USP26: variants seen among roughly 807,000 people sequenced by gnomAD.
The protein encoded by USP26 is ubiquitin specific peptidase 26, also known as ubiquitin carboxyl-terminal hydrolase 26.
For synonymous variants in USP26, 236 were observed against 240.6 expected (o/e 0.98, Z 0.18); for missense variants, 649 against 642.3 (o/e 1.01, Z -0.11).
Position 133,057,844 on chromosome X carries a change from T to TTATATATATATATATATATATATA in USP26, c.-77+25862_-77+25863insTATATATATATATATATATATATA. ...TTGGGGTCTGAGAATATACTTTACA[T>TTATATATATATATATATATATATA]TATATATATATATATATATATATTT... On this transcript the variant is annotated intron_variant, in intron 5 of 5. Transcript: ENST00000511190. 2.7e-3 allele frequency among the ~76,000 whole-genome samples: 83 copies of TTATATATATATATATATATATATA among 30,604 alleles called. 2 individuals carry two copies. The highest frequency in any genetic ancestry group is 3.6e-3 in the Non-Finnish European group (70 of 19,185). The allele number at this position is 30,604 out of a possible 115,157, so 26.6% of individuals were successfully genotyped here.
chrX:133,061,962 C>T (rs979255493), intron 5 of USP26, among the ~76,000 whole-genome samples: 9 of 111,206 alleles, frequency 8.1e-5, no homozygotes, highest in Admixed American at 2.9e-4. Context: ...AAGTTCCCTC[C>T]CCACTCAGCA....
chrX:133,094,316 A>G (rs1314414423), intron 1 of USP26, among the ~76,000 whole-genome samples: 2 of 111,107 alleles, frequency 1.8e-5, no homozygotes, highest in African/African-American at 6.5e-5. Flanking sequence ...GGAAGCGAGC[A>G]GAAGATCCAG....
chrX:133,034,508 T>C, intron 5 of USP26, among the ~76,000 whole-genome samples: 1 of 111,936 alleles, frequency 8.9e-6, no homozygotes, highest in Non-Finnish European at 1.9e-5. Context: ...GAAGCAATTA[T>C]TCTATTAAGT....
chrX:133,086,062 G>A (rs1054944150), intron 4 of USP26, among the ~76,000 whole-genome samples: 9 of 111,418 alleles, frequency 8.1e-5, no homozygotes, highest in African/African-American at 2.9e-4. Context: ...GAGCTGCTGG[G>A]ATAAGATCCA....
intron 4 of USP26, among the ~76,000 whole-genome samples, chrX:133,085,720 TA>T (rs2067586205): frequency 8.9e-6 from 1 of 112,281 alleles, no homozygotes; most frequent in African/African-American, 3.2e-5. Context: ...GTATGCATAA[TA>T]TTTGAGTCTA....
chrX:133,085,830 T>C (rs191977028), intron 4 of USP26, among the ~76,000 whole-genome samples: 2 of 110,777 alleles, frequency 1.8e-5, no homozygotes, highest in East Asian at 5.7e-4. Flanking sequence ...CCTTATAAAA[T>C]TGATGAGGAA....
intron 5 of USP26, among the ~76,000 whole-genome samples, chrX:133,051,300 T>C (rs1266693296): frequency 9.0e-6 from 1 of 111,729 alleles, no homozygotes; most frequent in Non-Finnish European, 1.9e-5. Context: ...AATAAGGAAA[T>C]AAAGCACCAT....
rs2067350064 is a variant in USP26 at position 133,026,504 on chromosome X, A to G, written c.1717T>C (p.Leu573=). 1 of 1,205,539 alleles carries G rather than the reference A, an allele frequency of 8.3e-7. No individual in the cohort carries two copies. The highest frequency in any genetic ancestry group is 2.2e-5 in the Admixed American group (1 of 44,954). The change falls in exon 6 of 6, where the codon TTA becomes CTA. Residue 573 remains leucine (L), a synonymous_variant. Transcript: ENST00000511190. The part of the protein sequence containing the change: ...EDGEITDFQL[L]KVIRKMTSGN... The stretch of plus-strand genomic sequence containing the variant: ...GAAGTCATCTTTCGAATAACTTTTA[A>G]TAATTGGAAATCTGTAATTTCTCCA...
Position 133,032,041 on chromosome X carries a change from C to T in USP26, c.-76-3745G>A, listed in dbSNP as rs759142571. 7.2e-5 allele frequency among the ~76,000 whole-genome samples: 8 copies of T among 110,995 alleles called. No homozygotes were observed. In the South Asian group the frequency reaches 1.9e-3, roughly 27 times the overall value. On this transcript the variant is annotated intron_variant, in intron 5 of 5. Coordinates refer to ENST00000511190, the MANE Select transcript of USP26 (RefSeq NM_031907.3). ...CTGTGTCTGTTTATATCCAGCTACT[C>T]GGGAGGCTGAGGCAGGAGAATCACT...
intron 5 of USP26, among the ~76,000 whole-genome samples, chrX:133,028,738 T>C (rs2067365485): frequency 9.0e-6 from 1 of 111,697 alleles, no homozygotes; most frequent in South Asian, 3.8e-4. Context: ...AATGACCCCA[T>C]GGGGCAACTA....
chrX:133,081,429 TG>T (rs2067570074), intron 5 of USP26, among the ~76,000 whole-genome samples: 1 of 111,196 alleles, frequency 9.0e-6, no homozygotes, highest in South Asian at 3.8e-4. Context: ...CCCAAGTAGC[TG>T]GGATTACAGG....
At chrX:133,074,137 C>T (rs2067540040) in intron 5 of USP26, among the ~76,000 whole-genome samples, 1 of 111,925 alleles carries the variant, frequency 8.9e-6, no homozygotes, top group Non-Finnish European at 1.9e-5. Context: ...CTAAAGGCCA[C>T]TTCTTTACTG....
intron 5 of USP26, among the ~76,000 whole-genome samples, chrX:133,079,576 G>T: frequency 9.0e-6 from 1 of 111,716 alleles, no homozygotes; most frequent in Non-Finnish European, 1.9e-5. Context: ...AAATAGAAAA[G>T]ACATAAACCC....
intron 5 of USP26, among the ~76,000 whole-genome samples, chrX:133,060,729 TAA>T: frequency 8.9e-6 from 1 of 112,072 alleles, no homozygotes; most frequent in Non-Finnish European, 1.9e-5. Flanking sequence ...CTGTAAAAGC[TAA>T]GTTTATCTTA....
chrX:133,067,674 G>A (rs761857685), intron 5 of USP26, among the ~76,000 whole-genome samples: 111 of 111,912 alleles, frequency 9.9e-4, no homozygotes, highest in Non-Finnish European at 1.0e-3. Flanking sequence ...GTTGAACAAT[G>A]AGAACACATG....
intron 5 of USP26, chrX:133,045,751 T>G (rs2067437258): frequency 9.0e-6 from 1 of 111,709 alleles, no homozygotes; most frequent in African/African-American, 3.3e-5. Context: ...AGGAACAAAA[T>G]CCAGACACGC....
intron 1 of USP26, among the ~76,000 whole-genome samples, chrX:133,095,093 C>CAAAAAAAAAAAAAAAAAAAAAAAAAAA (rs35394795): frequency 2.0e-5 from 1 of 51,242 alleles, no homozygotes; most frequent in African/African-American, 7.0e-5. Flanking sequence ...AGACTCTTGT[C>CAAAAAAAAAAAAAAAAAAAAAAAAAAA]AAAAAAAAAA....
chrX:133,071,463 T>C (rs1466327452), intron 5 of USP26, among the ~76,000 whole-genome samples: 3 of 110,118 alleles, frequency 2.7e-5, no homozygotes, highest in Non-Finnish European at 5.7e-5. Flanking sequence ...ACACAGGATA[T>C]ATCTCCTCCC....
chrX:133,084,542 C>A lies in USP26; in HGVS notation c.-141-771G>T, dbSNP rs746554327. Among the ~76,000 whole-genome samples the A allele has an allele frequency of 3.3e-5, 3 of 90,778 alleles. No homozygotes were observed. In the East Asian group the frequency reaches 1.0e-3, roughly 31 times the overall value. The allele number at this position is 90,778 out of a possible 115,157, so 78.8% of individuals were successfully genotyped here. ...TTTTTTTTTTTTTTTGAGATGGAACCTCACCCTGTCGCCCAGGCTGGGGTG... is the reference window on the plus strand; with the variant it reads ...TTTTTTTTTTTTTTTGAGATGGAACATCACCCTGTCGCCCAGGCTGGGGTG... On this transcript the variant is annotated intron_variant, in intron 4 of 5. Coordinates refer to ENST00000511190, the MANE Select transcript of USP26 (RefSeq NM_031907.3).
Sources: gnomAD v4.1 joint callset for allele counts (sites outside exome capture counted in the v4.1 genomes callset) on GRCh38, gnomAD v4.1.1 for gene constraint, MANE v1.5 for transcripts, NCBI Gene and HGNC (gene_info 2026-07-23, HGNC 2026-07-21) for gene names.